Variants in POLRMT observed in about 807,000 individuals in gnomAD.
POLRMT encodes DNA-directed RNA polymerase, mitochondrial.
In POLRMT, 114 loss-of-function variants were observed where a neutral mutation model predicts 132.2. The observed-to-expected ratio is 0.86, with a 90% CI of 0.74 to 1.01. The LOEUF is 1.01. POLRMT is among the 50% of genes least tolerant of loss of function. POLRMT has a pLI of 0.00. For synonymous variants in POLRMT, 1,020 were observed against 773.4 expected, an observed-to-expected ratio of 1.32 and a Z score of -5.29; for missense variants, 2,003 against 1,729.1, an observed-to-expected ratio of 1.16 and a Z score of -2.81.
chr19:619,649 G>C lies in POLRMT; in HGVS notation c.3003C>G (p.Val1001=). ...TCTGCAGGCGCCCGCCATAGCGCGTGACCCCGTACACCACCGTCATCACCG... is the reference window on the plus strand; with the variant it reads ...TCTGCAGGCGCCCGCCATAGCGCGTCACCCCGTACACCACCGTCATCACCG... ...KQTVMTVVYG[V]TRYGGRLQIE... Residue 1001 remains valine, a synonymous_variant, in exon 13 of 21, where the codon GTC becomes GTG. Coordinates refer to ENST00000588649, the MANE Select transcript of POLRMT (RefSeq NM_005035.4). The C allele has an allele frequency of 6.2e-7, 1 of 1,610,804 alleles. No individual in the cohort carries two copies.
chr19:622,571 G>A lies in POLRMT; in HGVS notation c.1626+11C>T, dbSNP rs1984700860. 1 of 1,591,890 alleles carries A rather than the reference G, an allele frequency of 6.3e-7. No homozygotes were observed. Among genetic ancestry groups the A allele is most frequent in the Admixed American group, 1.7e-5 (1 of 58,550 alleles). On this transcript the variant is annotated intron_variant, in intron 8 of 20. Coordinates refer to ENST00000588649, the MANE Select transcript of POLRMT (RefSeq NM_005035.4). ...GGCCCCAGCCAGGAGGAGAGGGGGT[G>A]CGAGCCTCACCTCGGCGTCGGAGGC...
At position 632,925 on chromosome 19, in the gene POLRMT, G is replaced by A. The variant is rs770692841; in HGVS notation, c.102C>T (p.Gly34=). The change falls in exon 2 of 21, where the codon GGC becomes GGT. Residue 34 remains glycine, a synonymous_variant. Coordinates refer to ENST00000588649, the MANE Select transcript of POLRMT (RefSeq NM_005035.4). The part of the protein sequence containing the change: ...GLPGKEGTAG[G]VCGPRRSSSA... ...ACGAGCTCCTCCTGGGGCCGCAGAC[G>A]CCACCGGCGGTCCCTGCGGGAAAGA... 5.9e-6 allele frequency: 9 copies of A among 1,514,298 alleles called. No homozygotes were observed. Among genetic ancestry groups the A allele is most frequent in the Non-Finnish European group, 7.9e-6 (9 of 1,135,894 alleles). 93.8% of individuals were successfully genotyped at this position (1,514,298 alleles called of 1,614,324 possible). A position where few individuals can be genotyped will look rare whatever the true frequency, so the allele number is the denominator to read the frequency against.
rs781187912 is a variant in POLRMT, at chr19:622,565, G to A, written c.1626+17C>T. 6.6e-5 allele frequency: 104 copies of A among 1,586,282 alleles called. No individual in the cohort carries two copies. The Middle Eastern group carries it at 1.4e-3, about 21-fold the overall frequency. ...ACCACTGGCCCCAGCCAGGAGGAGA[G>A]GGGGTGCGAGCCTCACCTCGGCGTC... On this transcript the variant is annotated intron_variant, in intron 8 of 20. Transcript: ENST00000588649.
intron 4 of POLRMT, 56 bp from the exon 5 acceptor site, chr19:624,961 A>C (rs1419843136): frequency 6.4e-7 from 1 of 1,559,644 alleles, no homozygotes; most frequent in Non-Finnish European, 8.7e-7. Context: ...GGGCTTCCAC[A>C]GACCCCAGGG....
chr19:627,910 CAGAG>C (rs757888782), intron 3 of POLRMT, among the ~76,000 whole-genome samples: 1 of 124,108 alleles, frequency 8.1e-6, no homozygotes, highest in African/African-American at 3.1e-5. Context: ...GGGCAACAGA[CAGAG>C]AGTCTATCTC....
intron 10 of POLRMT, 27 bp downstream of exon 10, chr19:621,031 C>T (rs774256351): frequency 2.2e-6 from 3 of 1,378,342 alleles, no homozygotes; most frequent in Non-Finnish European, 1.9e-6. Flanking sequence ...GCCGGGAGGG[C>T]GGGGAATGCG....
rs533598307 is a variant in POLRMT at position 633,434 on chromosome 19, C to G, written c.79G>C (p.Gly27Arg). Residue 27 changes from glycine (G) to arginine (R), a missense_variant, in exon 1 of 21, where the codon GGC becomes CGC. By Grantham distance (125) the Gly-to-Arg change is moderately radical (BLOSUM62 -2). Coordinates refer to ENST00000588649, the MANE Select transcript of POLRMT (RefSeq NM_005035.4). ...TCTCCCTTTGTGTTACCTTCTTTGC[C>G]GGGGAGTCCCGGGCGGCCGCAAGGC... ...LRPCGRPGLP[G>R]KEGTAGGVCG... 1.3e-6 allele frequency: 2 copies of G among 1,547,608 alleles called. No homozygotes were observed. The highest frequency in any genetic ancestry group is 1.7e-6 in the Non-Finnish European group (2 of 1,146,446).
chr19:621,013 GCGGGGGTGCC>G (rs1984524043), intron 10 of POLRMT, 35 bp downstream of exon 10: 3 of 1,032,186 alleles, frequency 2.9e-6, no homozygotes, highest in South Asian at 2.6e-5. Context: ...GGGGGAGGGC[GCGGGGGTGCC>G]GGGAGGGCGG....
chr19:629,662 G>A lies in POLRMT; in HGVS notation c.700C>T (p.Leu234=), dbSNP rs1163978891. Residue 234 remains leucine, a synonymous_variant, in exon 3 of 21, where the codon CTG becomes TTG. Coordinates refer to ENST00000588649, the MANE Select transcript of POLRMT (RefSeq NM_005035.4). ...GCGAGGGGCAGCTGGTCAGTGAGCA[G>A]GCAGCACTTGAAGAAGGCCAGGAGC... ...QRLLAFFKCC[L]LTDQLPLAHH... 1.2e-6 allele frequency: 2 copies of A among 1,610,242 alleles called. No individual in the cohort carries two copies. Among genetic ancestry groups the A allele is most frequent in the Non-Finnish European group, 8.5e-7 (1 of 1,179,506 alleles).
intron 5 of POLRMT, among the ~76,000 whole-genome samples, chr19:624,393 G>T (rs1206283669): frequency 1.3e-5 from 2 of 152,190 alleles, no homozygotes; most frequent in Non-Finnish European, 2.9e-5. Context: ...CTTTAAGAGG[G>T]TTTTATGGCA....
At chr19:631,666 G>A (rs1985428256) in intron 2 of POLRMT, among the ~76,000 whole-genome samples, 1 of 152,090 alleles carries the variant, frequency 6.6e-6, no homozygotes, top group Non-Finnish European at 1.5e-5. Context: ...GAAATAAAAA[G>A]ACAAGCGTGA....
chr19:631,228 T>C (rs529002834), intron 2 of POLRMT, among the ~76,000 whole-genome samples: 31 of 150,884 alleles, frequency 2.1e-4, no homozygotes, highest in African/African-American at 6.3e-4. Context: ...CTCCGGTGGC[T>C]GAGGTGAAAG....
intron 17 of POLRMT, chr19:618,251 A>AGGAAGG: frequency 1.8e-6 from 1 of 559,336 alleles, no homozygotes; most frequent in Non-Finnish European, 3.2e-6. Flanking sequence ...AATGCCCAGC[A>AGGAAGG]GGAAGGGGCA....
chr19:621,438 G>A lies in POLRMT; in HGVS notation c.2260C>T (p.Arg754Cys), dbSNP rs932134994. 6.2e-6 allele frequency: 9 copies of A among 1,446,780 alleles called. No homozygotes were observed. Among genetic ancestry groups the A allele is most frequent in the South Asian group, 2.7e-5 (2 of 73,910 alleles). 89.6% of individuals were successfully genotyped at this position (1,446,780 alleles called of 1,614,324 possible). Reference protein sequence around the residue: ...AHLPHSAAPARKAELRRELAH... With the variant: ...AHLPHSAAPACKAELRRELAH... The stretch of plus-strand genomic sequence containing the variant: ...AGCTCACGGCGCAGCTCGGCCTTGC[G>A]GGCGGGCGCGGCGCTGTGCGGCAGG... Residue 754 changes from arginine (R) to cysteine (C), a missense_variant, in exon 10 of 21, where the codon CGC (arginine) becomes TGC (cysteine). Arg to Cys is a radical substitution (Grantham distance 180, BLOSUM62 -3). Transcript: ENST00000588649.
intron 3 of POLRMT, among the ~76,000 whole-genome samples, chr19:628,452 G>A (rs965147852): frequency 1.4e-4 from 21 of 152,216 alleles, no homozygotes; most frequent in Non-Finnish European, 1.3e-4. Flanking sequence ...CGCAAGACTG[G>A]CCCCACCTGA....
At position 617,431 on chromosome 19, in the gene POLRMT, C is replaced by A. The variant is rs866570336; in HGVS notation, c.3631G>T (p.Val1211Leu). The change falls in exon 20 of 21, where the codon GTG becomes TTG. Residue 1211 changes from valine to leucine, a missense_variant. Coordinates refer to ENST00000588649, the MANE Select transcript of POLRMT (RefSeq NM_005035.4). ...CCCACCCGCCTACCTGGCTTGGGCA[C>A]CGCCTGCAGTGTCTCCTTCAGCTGG... ...ASQLKETLQA[V>L]PKPGAFDLEQ... The A allele has an allele frequency of 2.5e-6, 4 of 1,612,262 alleles. No individual in the cohort carries two copies. Among genetic ancestry groups the A allele is most frequent in the Admixed American group, 1.7e-5 (1 of 60,006 alleles).
At chr19:623,960 A>C (rs1015264623) in intron 5 of POLRMT, among the ~76,000 whole-genome samples, 13 of 152,224 alleles carry the variant, frequency 8.5e-5, no homozygotes, top group Non-Finnish European at 1.9e-4. Flanking sequence ...CCAGAAATAG[A>C]TGAATTAAAA....
At chr19:625,506 A>C (rs1442838835) in intron 3 of POLRMT, 3 of 461,216 alleles carry the variant, frequency 6.5e-6, no homozygotes, top group Non-Finnish European at 1.2e-5. Flanking sequence ...CAGCTTGTTA[A>C]ACCTCCAGAT....
Position 620,002 on chromosome 19 carries a change from G to A in POLRMT, c.2842C>T (p.Pro948Ser), listed in dbSNP as rs763527913. 6.9e-6 allele frequency: 11 copies of A among 1,591,498 alleles called. No homozygotes were observed. The African/African-American group carries it at 9.4e-5, about 14-fold the overall frequency. ...SVGAASVNLEPSDVPQDVYSG... is the reference protein window; with the variant it reads ...SVGAASVNLESSDVPQDVYSG... ...TACACGTCCTGCGGCACATCCGAGG[G>A]CTCCAGGTTGACGGAGGCGGCGCCC... The change falls in exon 12 of 21, where the codon CCC becomes TCC. Residue 948 changes from proline to serine, a missense_variant. By Grantham distance (74) the Pro-to-Ser change is moderately conservative (BLOSUM62 -1). Transcript: ENST00000588649.
Sources: allele counts gnomAD v4.1 joint callset (sites outside exome capture counted in the v4.1 genomes callset), GRCh38; gene constraint gnomAD v4.1.1; transcripts MANE v1.5; gene names NCBI Gene and HGNC (gene_info 2026-07-23, HGNC 2026-07-21).